CIRSR: variants seen among roughly 807,000 people sequenced by gnomAD.
CIRSR encodes corepressor of RBPJ and splicing regulator.
the CIRSR span, among the ~76,000 whole-genome samples, chr2:174,390,628 G>T: frequency 5.9e-5 from 9 of 152,288 alleles, no homozygotes; most frequent in Non-Finnish European, 1.0e-4. Context: ...GGGGTGGAAT[G>T]GTATGGTTTG....
At chr2:174,382,997 A>G in the CIRSR span, among the ~76,000 whole-genome samples, 1 of 152,222 alleles carries the variant, frequency 6.6e-6, no homozygotes, top group Non-Finnish European at 1.5e-5. Flanking sequence ...CCTGTAAAAA[A>G]GAAGCAAAAG....
chr2:174,375,814 C>T, the CIRSR span, among the ~76,000 whole-genome samples: 3 of 152,112 alleles, frequency 2.0e-5, no homozygotes, highest in African/African-American at 7.2e-5. Context: ...TCTTTATGTC[C>T]TTTGCTCCTT....
At chr2:174,351,754 A>G in the CIRSR span, 1 of 1,567,948 alleles carries the variant, frequency 6.4e-7, no homozygotes. Context: ...GTTTGAATGT[A>G]TCATTTATAT....
the CIRSR span, among the ~76,000 whole-genome samples, chr2:174,375,188 T>A: frequency 3.3e-5 from 5 of 152,190 alleles, no homozygotes; most frequent in African/African-American, 1.2e-4. Context: ...ATCACTTTTT[T>A]AAATAAATTA....
chr2:174,348,416 C>T, the CIRSR span: 2 of 1,517,638 alleles, frequency 1.3e-6, no homozygotes, highest in Non-Finnish European at 1.8e-6. Flanking sequence ...TTACCCCTTG[C>T]TAAAGGTATT....
chr2:174,348,558 C>T, the CIRSR span: 6 of 1,613,868 alleles, frequency 3.7e-6, no homozygotes, highest in Non-Finnish European at 5.1e-6. Context: ...CATTTTTTCT[C>T]CTCTATACAA....
At chr2:174,361,598 G>A in the CIRSR span, among the ~76,000 whole-genome samples, 3 of 152,222 alleles carry the variant, frequency 2.0e-5, no homozygotes, top group African/African-American at 7.2e-5. Flanking sequence ...CCATGGCTTA[G>A]TGCAGCATTC....
chr2:174,359,276 C>T, the CIRSR span, among the ~76,000 whole-genome samples: 15 of 149,742 alleles, frequency 1.0e-4, no homozygotes, highest in South Asian at 2.3e-3. Flanking sequence ...ATGTTGGTTA[C>T]CTGGGTGTAT....
At chr2:174,365,666 G>A in the CIRSR span, among the ~76,000 whole-genome samples, 1 of 152,264 alleles carries the variant, frequency 6.6e-6, no homozygotes, top group South Asian at 2.1e-4. Flanking sequence ...GCTTGTGTAT[G>A]GGAATTCCTC....
chr2:174,395,310 T>A, the CIRSR span, among the ~76,000 whole-genome samples: 127 of 152,308 alleles, frequency 8.3e-4, no homozygotes, highest in Non-Finnish European at 1.3e-3. Context: ...TATTATGGAT[T>A]TGCATTCTGG....
the CIRSR span, among the ~76,000 whole-genome samples, chr2:174,367,246 G>A: frequency 2.6e-5 from 4 of 152,270 alleles, no homozygotes; most frequent in Non-Finnish European, 4.4e-5. Flanking sequence ...ACCAGCCTGT[G>A]CAACATAATG....
At chr2:174,385,372 C>G in the CIRSR span, among the ~76,000 whole-genome samples, 2 of 151,456 alleles carry the variant, frequency 1.3e-5, no homozygotes, top group African/African-American at 4.9e-5. Context: ...CTATCAAAAA[C>G]AGTACTTTTG....
chr2:174,381,675 G>GA, the CIRSR span: 1 of 1,521,632 alleles, frequency 6.6e-7, no homozygotes, highest in South Asian at 1.2e-5. Flanking sequence ...AAAAAAGAAA[G>GA]AAAAAAAGAA....
chr2:174,386,577 G>A, the CIRSR span, among the ~76,000 whole-genome samples: 1 of 152,122 alleles, frequency 6.6e-6, no homozygotes, highest in Non-Finnish European at 1.5e-5. Context: ...CTGTTTTGCG[G>A]CATCCATAGT....
the CIRSR span, among the ~76,000 whole-genome samples, chr2:174,374,480 C>T: frequency 3.3e-5 from 5 of 152,278 alleles, no homozygotes; most frequent in South Asian, 1.0e-3. Flanking sequence ...AAAAATAAAA[C>T]TTACTGGCTG....
At chr2:174,379,716 C>CTTT in the CIRSR span, among the ~76,000 whole-genome samples, 439 of 83,728 alleles carry the variant, frequency 5.2e-3, no homozygotes, top group Middle Eastern at 8.3e-3. Context: ...TGATTCCTGT[C>CTTT]TTTTTTTTTT....
At chr2:174,379,931 G>C in the CIRSR span, among the ~76,000 whole-genome samples, 1 of 151,726 alleles carries the variant, frequency 6.6e-6, no homozygotes, top group African/African-American at 2.4e-5. Flanking sequence ...CACCATGTCG[G>C]CCTGGCTGGT....
At chr2:174,353,176 TGGA>T in the CIRSR span, among the ~76,000 whole-genome samples, 2 of 152,122 alleles carry the variant, frequency 1.3e-5, no homozygotes, top group South Asian at 4.1e-4. Flanking sequence ...TGTCTATTAT[TGGA>T]GTATGGGGGA....
At chr2:174,368,489 T>C in the CIRSR span, among the ~76,000 whole-genome samples, 1 of 152,090 alleles carries the variant, frequency 6.6e-6, no homozygotes, top group African/African-American at 2.4e-5. Flanking sequence ...GTCAAAAAAG[T>C]AGTCTCAAGA....
Sources: allele counts gnomAD v4.1 joint callset (sites outside exome capture counted in the v4.1 genomes callset), GRCh38; gene constraint gnomAD v4.1.1; transcripts MANE v1.5; gene names NCBI Gene and HGNC (gene_info 2026-07-23, HGNC 2026-07-21).